The following PTCD1 variants were observed in gnomAD, a reference collection of about 807,000 sequenced individuals.
PTCD1 encodes pentatricopeptide repeat domain 1.
In PTCD1, 50 loss-of-function variants were observed where a neutral mutation model predicts 53.4. The observed-to-expected ratio is 0.94, with a 90% CI of 0.75 to 1.19. The LOEUF is 1.19. PTCD1 is among the 50% of genes most tolerant of loss of function. PTCD1 has a pLI of 0.00. For missense variants in PTCD1, 918 were observed against 904.8 expected (o/e 1.01, Z -0.19); for synonymous variants, 413 against 394.8 (o/e 1.05, Z -0.55).
In PTCD1 at chr7:99,425,343, C is replaced by T. The variant is rs1205446565; in HGVS notation, c.1189G>A (p.Gly397Arg). Residue 397 changes from glycine (G) to arginine (R), a missense_variant, in exon 6 of 8, where the codon GGG becomes AGG. Transcript: ENST00000292478. Reference protein sequence around the residue: ...QLFLEPSQALGPPEPPEARVP... With the variant: ...QLFLEPSQALRPPEPPEARVP... ...CTGGCTTCCGGAGGCTCTGGAGGCC[C>T]AAGTGCCTGAGAAGGTTCCAGAAAC... 1.2e-6 allele frequency: 2 copies of T among 1,614,184 alleles called. No homozygotes were observed. Among genetic ancestry groups the T allele is most frequent in the Non-Finnish European group, 1.7e-6 (2 of 1,180,030 alleles).
Position 99,435,233 on chromosome 7 carries a change from C to G in PTCD1, c.10G>C (p.Val4Leu), listed in dbSNP as rs182753728. 1.1e-5 allele frequency: 17 copies of G among 1,602,126 alleles called. No individual in the cohort carries two copies. The highest frequency in any genetic ancestry group is 3.3e-4 in the Middle Eastern group (2 of 6,062). The change falls in exon 2 of 8, where the codon GTG (valine) becomes CTG (leucine). Residue 4 changes from valine to leucine, a missense_variant. Transcript: ENST00000292478. MDF[V>L]RLARLFARAR... ...CTGGCGAACAGTCGAGCGAGTCTCACGAAGTCCATTTCTGGCTTTCCTGTC... is the reference window on the plus strand; with the variant it reads ...CTGGCGAACAGTCGAGCGAGTCTCAGGAAGTCCATTTCTGGCTTTCCTGTC...
At chr7:99,434,733 A>C (rs1796393464) in intron 2 of PTCD1, 57 bp downstream of exon 2, 1 of 1,609,364 alleles carries the variant, frequency 6.2e-7, no homozygotes, top group African/African-American at 1.3e-5. Context: ...CCCTTGCAAA[A>C]CACTGAGCCA....
intron 1 of PTCD1, among the ~76,000 whole-genome samples, chr7:99,438,307 A>T (rs1182797431): frequency 6.6e-6 from 1 of 151,734 alleles, no homozygotes; most frequent in African/African-American, 2.4e-5. Context: ...TAAAAATAAA[A>T]TTTTAAAAAT....
Position 99,434,961 on chromosome 7 carries a change from G to A in PTCD1, c.282C>T (p.Asp94=), listed in dbSNP as rs1419321660. 1 of 1,614,250 alleles carries A rather than the reference G, an allele frequency of 6.2e-7. No individual in the cohort carries two copies. Among genetic ancestry groups the A allele is most frequent in the South Asian group, 1.1e-5 (1 of 91,090 alleles). The change falls in exon 2 of 8, where the codon GAC becomes GAT. Residue 94 remains aspartate (D), a synonymous_variant. Transcript: ENST00000292478. ...EEEESFGTLS[D]KYSSRRLFRK... is the part of the protein sequence containing the mutation. ...GGAATAGTCTCCGGGAGGAGTATTT[G>A]TCAGAGAGGGTCCCAAAACTCTCCT...
chr7:99,424,152 G>A (rs1214789919), intron 6 of PTCD1, among the ~76,000 whole-genome samples, 195 bp from the exon 7 acceptor site: 1 of 152,216 alleles, frequency 6.6e-6, no homozygotes, highest in Non-Finnish European at 1.5e-5. Context: ...CCCTAAAGAA[G>A]CTGCGGAAAA....
chr7:99,431,847 ATTC>A (rs1264848729), intron 3 of PTCD1, among the ~76,000 whole-genome samples: 1 of 152,226 alleles, frequency 6.6e-6, no homozygotes, highest in African/African-American at 2.4e-5. Flanking sequence ...ACTAAGAGAA[ATTC>A]TTCTGCCTTG....
chr7:99,423,137 G>A lies in PTCD1; in HGVS notation c.1920+638C>T, dbSNP rs1481523853. On this transcript the variant is annotated intron_variant, in intron 7 of 7. Transcript: ENST00000292478. ...CGCCCAGGCTGGAGTGCAGTGGCGC[G>A]ATCTTGGCTCACAACAAATCTCAGG... is the stretch of plus-strand genomic sequence containing the variant. Among the ~76,000 whole-genome samples, 4 of 150,872 alleles carry A rather than the reference G, an allele frequency of 2.7e-5. 1 individual carries two copies. Among genetic ancestry groups the A allele is most frequent in the East Asian group, 1.9e-4 (1 of 5,130 alleles).
chr7:99,423,002 CT>C (rs76812753), intron 7 of PTCD1, among the ~76,000 whole-genome samples: 962 of 144,332 alleles, frequency 6.7e-3, no homozygotes, highest in African/African-American at 0.017. Flanking sequence ...GAGCTCTTCT[CT>C]TTTTTTTTTT....
chr7:99,422,762 G>A (rs1332527635), intron 7 of PTCD1, among the ~76,000 whole-genome samples: 1 of 152,200 alleles, frequency 6.6e-6, no homozygotes, highest in Non-Finnish European at 1.5e-5. Context: ...TTGTTGCCAT[G>A]TGTACAGTAA....
chr7:99,422,677 C>G (rs968734738), intron 7 of PTCD1, among the ~76,000 whole-genome samples: 7 of 152,204 alleles, frequency 4.6e-5, no homozygotes, highest in African/African-American at 1.7e-4. Context: ...GGGGTAAATG[C>G]TGGCGGCTGT....
chr7:99,422,378 C>T (rs531533879), intron 7 of PTCD1, among the ~76,000 whole-genome samples: 1 of 152,302 alleles, frequency 6.6e-6, no homozygotes, highest in African/African-American at 2.4e-5. Flanking sequence ...TCCGGAGATG[C>T]TCAGCACAGA....
chr7:99,432,332 G>A (rs1796291164), intron 3 of PTCD1, among the ~76,000 whole-genome samples: 1 of 152,204 alleles, frequency 6.6e-6, no homozygotes, highest in African/African-American at 2.4e-5. Context: ...ACTGAGATAG[G>A]CGAAAACCGC....
chr7:99,418,006 C>T lies in PTCD1; in HGVS notation c.*1961G>A, dbSNP rs1181524681. 52 of 1,160,710 alleles carry T rather than the reference C, an allele frequency of 4.5e-5. No individual in the cohort carries two copies. Among genetic ancestry groups the T allele is most frequent in the Non-Finnish European group, 5.2e-5 (48 of 930,828 alleles). The allele number at this position is 1,160,710 out of a possible 1,614,324, so 71.9% of individuals were successfully genotyped here. On this transcript the variant is annotated 3_prime_UTR_variant, in exon 8 of 8. Coordinates refer to ENST00000292478, the MANE Select transcript of PTCD1 (RefSeq NM_015545.4). The stretch of plus-strand genomic sequence containing the variant: ...CCCCCAAGACGGAGTCTTGCTTTGT[C>T]GCCCAGGCTGGAGTGCAGTGATGCC...
rs941728596 is a variant in PTCD1, at chr7:99,419,031, C to G, written c.*936G>C. On this transcript the variant is annotated 3_prime_UTR_variant, in exon 8 of 8. Coordinates refer to ENST00000292478, the MANE Select transcript of PTCD1 (RefSeq NM_015545.4). The stretch of plus-strand genomic sequence containing the variant: ...AGAGTGTACCAGCCCAGAGGCCCCC[C>G]TGAAGTCCCCAAACAGTAGCAGAGC... 1 of 281,860 alleles carries G rather than the reference C, an allele frequency of 3.5e-6. No individual in the cohort carries two copies. Among genetic ancestry groups the G allele is most frequent in the Non-Finnish European group, 6.9e-6 (1 of 144,628 alleles). 17.5% of individuals were successfully genotyped at this position (281,860 alleles called of 1,614,324 possible).
intron 2 of PTCD1, among the ~76,000 whole-genome samples, 161 bp downstream of exon 2, chr7:99,434,629 T>C (rs992139348): frequency 1.2e-4 from 18 of 147,388 alleles, no homozygotes; most frequent in Non-Finnish European, 2.5e-4. Context: ...AAAACTGCGG[T>C]GGAGGATGGC....
chr7:99,417,744 G>C lies in PTCD1; in HGVS notation c.*2223C>G. ...CTCTCCCTCGTGGGAGTGGGTCCCT[G>C]TATTCAGGAATCCATGTGAGGCAGC... On this transcript the variant is annotated 3_prime_UTR_variant, in exon 8 of 8. Coordinates refer to ENST00000292478, the MANE Select transcript of PTCD1 (RefSeq NM_015545.4). 6.5e-7 allele frequency: 1 copy of C among 1,535,050 alleles called. No homozygotes were observed. Among genetic ancestry groups the C allele is most frequent in the Non-Finnish European group, 8.7e-7 (1 of 1,146,270 alleles).
At position 99,420,848 on chromosome 7, in the gene PTCD1, A is replaced by G. The variant is rs534016658; in HGVS notation, c.1921-699T>C. 5.3e-5 allele frequency among the ~76,000 whole-genome samples: 8 copies of G among 152,226 alleles called. 1 individual carries two copies. Among genetic ancestry groups the G allele is most frequent in the African/African-American group, 1.7e-4 (7 of 41,534 alleles). Reference sequence around the variant, plus strand: ...TGTAGCCCCAGCTACCTGGGAGGTTAAGGCAGGAGAATGGCTTGAACCCGG... The same window carrying G: ...TGTAGCCCCAGCTACCTGGGAGGTTGAGGCAGGAGAATGGCTTGAACCCGG... On this transcript the variant is annotated intron_variant, in intron 7 of 7. Coordinates refer to ENST00000292478, the MANE Select transcript of PTCD1 (RefSeq NM_015545.4).
At position 99,438,768 on chromosome 7, in the gene PTCD1, C is replaced by T. The variant is rs1584474083; in HGVS notation, c.-103G>A. The T allele has an allele frequency of 7.4e-7, 1 of 1,353,290 alleles. No homozygotes were observed. The highest frequency in any genetic ancestry group is 9.7e-7 in the Non-Finnish European group (1 of 1,031,512). The allele number at this position is 1,353,290 out of a possible 1,614,324, so 83.8% of individuals were successfully genotyped here. A position where few individuals can be genotyped will look rare whatever the true frequency, so the allele number is the denominator to read the frequency against. On this transcript the variant is annotated 5_prime_UTR_variant, in exon 1 of 8. Coordinates refer to ENST00000292478, the MANE Select transcript of PTCD1 (RefSeq NM_015545.4). ...CGGCGAACCAGTCTCTTCCTCGGGT[C>T]CCCCTCTCCCCAAGCGCGCAGGCGC...
At chr7:99,429,493 C>G in intron 4 of PTCD1, 95 bp downstream of exon 4, 1 of 1,570,368 alleles carries the variant, frequency 6.4e-7, no homozygotes, top group Non-Finnish European at 8.7e-7. Context: ...CCTCCCTAAG[C>G]CTTCCTACAT....
Sources: gnomAD v4.1 joint callset for allele counts (sites outside exome capture counted in the v4.1 genomes callset) on GRCh38, gnomAD v4.1.1 for gene constraint, MANE v1.5 for transcripts, NCBI Gene and HGNC (gene_info 2026-07-23, HGNC 2026-07-21) for gene names.